The following RBMS1 variants were observed in gnomAD, a reference collection of about 807,000 sequenced individuals.
RBMS1 encodes the protein RNA-binding motif, single-stranded-interacting protein 1.
Under a neutral mutation model 62.3 loss-of-function variants are expected in RBMS1, and 17 were observed. The observed-to-expected ratio is 0.27, with a 90% CI of 0.19 to 0.41. The LOEUF (loss-of-function observed/expected upper bound fraction) is 0.41. Ranked by LOEUF, RBMS1 falls within the 10% of genes least tolerant of loss-of-function variation. RBMS1 has a pLI of 1.00. For synonymous variants in RBMS1, 172 were observed against 170.0 expected, an observed-to-expected ratio of 1.01 and a Z score of -0.09; for missense variants, 334 against 504.5, an observed-to-expected ratio of 0.66 and a Z score of 3.24.
chr2:160,472,609 G>C (rs1230095970), intron 1 of RBMS1, among the ~76,000 whole-genome samples: 1 of 152,066 alleles, frequency 6.6e-6, no homozygotes, highest in Non-Finnish European at 1.5e-5. Context: ...AATGCATTTT[G>C]TATTAATTTC....
intron 1 of RBMS1, among the ~76,000 whole-genome samples, chr2:160,409,773 TG>T (rs1231435454): frequency 6.6e-6 from 1 of 152,238 alleles, no homozygotes; most frequent in Non-Finnish European, 1.5e-5. Flanking sequence ...CATGATATTT[TG>T]GATGCTGTGC....
chr2:160,314,412 G>A (rs1690099715), intron 3 of RBMS1, among the ~76,000 whole-genome samples: 1 of 152,144 alleles, frequency 6.6e-6, no homozygotes, highest in Non-Finnish European at 1.5e-5. Flanking sequence ...TTGTTTAGAA[G>A]AGGAGCTAGC....
intron 1 of RBMS1, among the ~76,000 whole-genome samples, chr2:160,425,164 C>A (rs1359951879): frequency 6.6e-6 from 1 of 152,132 alleles, no homozygotes; most frequent in Non-Finnish European, 1.5e-5. Flanking sequence ...TTTAAAAGCA[C>A]TACTATTTTT....
intron 11 of RBMS1, 31 bp from the exon 12 acceptor site, chr2:160,277,414 A>G (rs761317485): frequency 6.7e-5 from 103 of 1,535,742 alleles, no homozygotes; most frequent in Non-Finnish European, 8.8e-5. Flanking sequence ...AGAATGGGCA[A>G]TGGTAAACCA....
chr2:160,414,924 C>T (rs778508093), intron 1 of RBMS1, among the ~76,000 whole-genome samples: 2 of 151,726 alleles, frequency 1.3e-5, no homozygotes, highest in African/African-American at 4.8e-5. Flanking sequence ...GAATAAAATG[C>T]CATTTAAATT....
intron 1 of RBMS1, among the ~76,000 whole-genome samples, chr2:160,453,991 G>A (rs941272779): frequency 2.0e-5 from 3 of 152,064 alleles, no homozygotes; most frequent in East Asian, 1.9e-4. Context: ...CTCTATGAAC[G>A]TTTCTTCTAT....
intron 6 of RBMS1, among the ~76,000 whole-genome samples, chr2:160,295,202 A>G (rs1470777522): frequency 6.6e-6 from 1 of 152,216 alleles, no homozygotes; most frequent in Non-Finnish European, 1.5e-5. Context: ...CCTCCTGTGC[A>G]AAAAGGTGGT....
At chr2:160,472,509 T>A (rs961824831) in intron 1 of RBMS1, among the ~76,000 whole-genome samples, 11 of 152,210 alleles carry the variant, frequency 7.2e-5, no homozygotes, top group African/African-American at 2.7e-4. Context: ...ACTTAAAAGT[T>A]AGCTTGTGTT....
chr2:160,345,519 T>G (rs1692127161), intron 2 of RBMS1, among the ~76,000 whole-genome samples: 1 of 152,168 alleles, frequency 6.6e-6, no homozygotes, highest in Non-Finnish European at 1.5e-5. Flanking sequence ...ACGCAAATAT[T>G]CAGTGCATTC....
At chr2:160,401,346 G>A (rs946174378) in intron 1 of RBMS1, among the ~76,000 whole-genome samples, 3 of 152,128 alleles carry the variant, frequency 2.0e-5, no homozygotes, top group Admixed American at 6.6e-5. Context: ...TGCTGCTGTC[G>A]TTATATTAAG....
rs367786918 is a variant in RBMS1 at position 160,410,668 on chromosome 2, A to T, written c.76-43277T>A. Among the ~76,000 whole-genome samples the T allele has an allele frequency of 1.1e-3, 166 of 152,368 alleles. 4 individuals are homozygous for T. The South Asian group carries it at 0.034, about 31-fold the overall frequency. ...AACAAATATGTTCTAACACATAGAA[A>T]GTAAGAAAACAGTCCAGAGAGACTG... On this transcript the variant is annotated intron_variant, in intron 1 of 13. Coordinates refer to ENST00000348849, the MANE Select transcript of RBMS1 (RefSeq NM_016836.4).
intron 10 of RBMS1, among the ~76,000 whole-genome samples, chr2:160,280,359 T>A (rs893229946): frequency 6.6e-6 from 1 of 152,204 alleles, no homozygotes; most frequent in Admixed American, 6.5e-5. Flanking sequence ...GCCTCTCCTA[T>A]TTCATCACCT....
Position 160,425,624 on chromosome 2 carries a change from A to G in RBMS1, c.76-58233T>C, listed in dbSNP as rs1682520154. Among the ~76,000 whole-genome samples the G allele has an allele frequency of 2.0e-5, 3 of 152,216 alleles. No homozygotes were observed. The South Asian group carries it at 6.2e-4, about 31-fold the overall frequency. On this transcript the variant is annotated intron_variant, in intron 1 of 13. Coordinates refer to ENST00000348849, the MANE Select transcript of RBMS1 (RefSeq NM_016836.4). ...GAGACTCAGAGAGTAGAAGAATGGC[A>G]GTAGACAGTAAGAAGCAAAGCAGCC...
intron 3 of RBMS1, 96 bp downstream of exon 3, chr2:160,318,073 T>G: frequency 6.6e-7 from 1 of 1,521,948 alleles, no homozygotes; most frequent in Non-Finnish European, 8.8e-7. Flanking sequence ...TGGTTTTTAA[T>G]AAAACGAAGG....
chr2:160,318,100 G>A (rs1244422857), intron 3 of RBMS1, 69 bp downstream of exon 3: 13 of 1,560,888 alleles, frequency 8.3e-6, no homozygotes, highest in Non-Finnish European at 1.0e-5. Flanking sequence ...TGAAACCAAA[G>A]ATCAGGTTTT....
intron 1 of RBMS1, among the ~76,000 whole-genome samples, chr2:160,395,657 A>C (rs1695103388): frequency 6.6e-6 from 1 of 152,004 alleles, no homozygotes. Context: ...TCAGATGCTG[A>C]AAGAAGGAAA....
chr2:160,301,645 T>A (rs1324347161), intron 5 of RBMS1, among the ~76,000 whole-genome samples: 1 of 152,186 alleles, frequency 6.6e-6, no homozygotes, highest in African/African-American at 2.4e-5. Context: ...GAGCACATGC[T>A]GGAGATGCTG....
chr2:160,320,498 T>G lies in RBMS1; in HGVS notation c.252-2271A>C, dbSNP rs577964873. On this transcript the variant is annotated intron_variant, in intron 2 of 13. Transcript: ENST00000348849. ...AAAACAAAACAAAAACTCCCAATGTTGGAGATCAGGCTTAATGAGAGGTGT... is the reference window on the plus strand; with the variant it reads ...AAAACAAAACAAAAACTCCCAATGTGGGAGATCAGGCTTAATGAGAGGTGT... Among the ~76,000 whole-genome samples the G allele has an allele frequency of 3.9e-5, 6 of 152,226 alleles. No individual in the cohort carries two copies. The South Asian group carries it at 1.2e-3, about 32-fold the overall frequency.
chr2:160,492,223 G>A (rs944253406), intron 1 of RBMS1, among the ~76,000 whole-genome samples: 4 of 152,164 alleles, frequency 2.6e-5, no homozygotes, highest in Non-Finnish European at 5.9e-5. Flanking sequence ...AGATGTTAAT[G>A]GCTGAAGAAG....
Sources: allele counts gnomAD v4.1 joint callset (sites outside exome capture counted in the v4.1 genomes callset), GRCh38; gene constraint gnomAD v4.1.1; transcripts MANE v1.5; gene names NCBI Gene and HGNC (gene_info 2026-07-23, HGNC 2026-07-21).